STRADA: variants seen among roughly 807,000 people sequenced by gnomAD.
STRADA encodes STE20 related adaptor alpha, also known as STE20-related kinase adapter protein alpha.
In STRADA, 26 loss-of-function variants were observed where a neutral mutation model predicts 55.0. The observed-to-expected ratio is 0.47, with a 90% CI of 0.35 to 0.66. The LOEUF is 0.66. Ranked by LOEUF, STRADA falls within the 30% of genes least tolerant of loss-of-function variation. The pLI is 0.01. For missense variants in STRADA, 443 were observed against 549.7 expected (o/e 0.81, Z 1.94); for synonymous variants, 197 against 210.9 (o/e 0.93, Z 0.57).
In STRADA at chr17:63,731,512, C is replaced by T. The variant is rs543430946; in HGVS notation, c.-44-3099G>A. Among the ~76,000 whole-genome samples, 781 of 152,216 alleles carry T rather than the reference C, an allele frequency of 5.1e-3. 18 individuals carry two copies. The highest frequency in any genetic ancestry group is 0.018 in the African/African-American group (747 of 41,540). On this transcript the variant is annotated intron_variant, in intron 1 of 12. Coordinates refer to ENST00000336174, the MANE Select transcript of STRADA (RefSeq NM_001003787.4). ...ATCTCCTGACCTCGTGATCCGTCCG[C>T]CTTGGCCTCCCAAAGTGCTGGGATT... is the stretch of plus-strand genomic sequence containing the variant.
Position 63,729,782 on chromosome 17 carries a change from C to T in STRADA, c.-44-1369G>A, listed in dbSNP as rs1001357722. Reference sequence around the variant, plus strand: ...CCAGCCTGGGTGACAGAGCTAGACTCCATCTCAAAACAAACCAAAAAAAAC... The same window carrying T: ...CCAGCCTGGGTGACAGAGCTAGACTTCATCTCAAAACAAACCAAAAAAAAC... On this transcript the variant is annotated intron_variant, in intron 1 of 12. Transcript: ENST00000336174. Among the ~76,000 whole-genome samples, 9 of 150,150 alleles carry T rather than the reference C, an allele frequency of 6.0e-5. No individual in the cohort carries two copies. In the South Asian group the frequency reaches 6.4e-4, roughly 11 times the overall value.
chr17:63,735,430 T>C (rs1430154893), intron 1 of STRADA, among the ~76,000 whole-genome samples: 1 of 152,220 alleles, frequency 6.6e-6, no homozygotes, highest in African/African-American at 2.4e-5. Context: ...GTTAATGACA[T>C]CCGTCTGACA....
At chr17:63,728,889 CAA>C (rs72080041) in intron 1 of STRADA, among the ~76,000 whole-genome samples, 3 of 141,944 alleles carry the variant, frequency 2.1e-5, no homozygotes, top group Non-Finnish European at 3.1e-5. Flanking sequence ...GAGACTGTCT[CAA>C]AAAAAAAAAA....
At chr17:63,714,918 A>G (rs755529511) in intron 4 of STRADA, among the ~76,000 whole-genome samples, 10 of 152,150 alleles carry the variant, frequency 6.6e-5, no homozygotes, top group Non-Finnish European at 4.4e-5. Context: ...CCACACCTAA[A>G]TTTATGTGTA....
intron 1 of STRADA, among the ~76,000 whole-genome samples, chr17:63,739,595 C>T (rs539483257): frequency 1.5e-4 from 23 of 151,276 alleles, no homozygotes; most frequent in Admixed American, 3.3e-4. Context: ...GGATATCATT[C>T]GAAAGATATA....
intron 11 of STRADA, 85 bp downstream of exon 11, chr17:63,704,256 G>A (rs1028395249): frequency 1.3e-6 from 2 of 1,574,476 alleles, no homozygotes; most frequent in Non-Finnish European, 1.7e-6. Context: ...AGAACCTTTG[G>A]GAGGTAAGTC....
At chr17:63,715,086 C>T (rs1186998589) in intron 4 of STRADA, 1 of 152,190 alleles carries the variant, frequency 6.6e-6, no homozygotes, top group Non-Finnish European at 1.5e-5. Flanking sequence ...ATGAGAGGCT[C>T]CTGACCCAGC....
intron 3 of STRADA, among the ~76,000 whole-genome samples, chr17:63,724,325 T>TAG (rs1448825252): frequency 6.6e-6 from 1 of 152,032 alleles, no homozygotes; most frequent in Admixed American, 6.6e-5. Context: ...ATGTTTTTAG[T>TAG]AGAGATGGGG....
intron 1 of STRADA, among the ~76,000 whole-genome samples, chr17:63,730,027 C>T (rs1163718829): frequency 6.6e-6 from 1 of 151,436 alleles, no homozygotes; most frequent in African/African-American, 2.4e-5. Flanking sequence ...GTAGAGATGG[C>T]GTTTCACCAT....
At chr17:63,723,365 A>T in intron 3 of STRADA, 39 bp from the exon 4 acceptor site, 1 of 1,612,832 alleles carries the variant, frequency 6.2e-7, no homozygotes. Flanking sequence ...TTTGTGTTTT[A>T]GCAGAAGACA....
At chr17:63,722,152 C>A (rs1044378787) in intron 4 of STRADA, among the ~76,000 whole-genome samples, 9 of 152,200 alleles carry the variant, frequency 5.9e-5, no homozygotes, top group African/African-American at 2.2e-4. Flanking sequence ...TAGAAAGGAA[C>A]TAATTCTGTC....
intron 2 of STRADA, 141 bp from the exon 3 acceptor site, chr17:63,726,836 G>T: frequency 1.3e-6 from 1 of 743,576 alleles, no homozygotes. Context: ...CTATGGAAAA[G>T]TTTTTAACAG....
At chr17:63,705,173 G>T in intron 10 of STRADA, 2 of 562,914 alleles carry the variant, frequency 3.6e-6, no homozygotes, top group Non-Finnish European at 6.4e-6. Flanking sequence ...AGCTGTCCAA[G>T]CCAGAAACCT....
chr17:63,728,014 G>GT, intron 2 of STRADA: 1 of 227,730 alleles, frequency 4.4e-6, no homozygotes, highest in Non-Finnish European at 8.5e-6. Context: ...CCTCACGGGG[G>GT]GTCATAAGCA....
intron 4 of STRADA, among the ~76,000 whole-genome samples, chr17:63,722,426 G>A (rs975472889): frequency 6.6e-6 from 1 of 152,152 alleles, no homozygotes; most frequent in Non-Finnish European, 1.5e-5. Flanking sequence ...TATGTAATTG[G>A]CATCGTATTC....
chr17:63,734,886 G>A (rs149351243), intron 1 of STRADA, among the ~76,000 whole-genome samples: 94 of 152,240 alleles, frequency 6.2e-4, no homozygotes, highest in African/African-American at 2.1e-3. Flanking sequence ...GGCTGGGCAC[G>A]GTGGCTCACA....
chr17:63,713,394 A>T lies in STRADA; in HGVS notation c.348+12T>A, dbSNP rs755565709. The stretch of plus-strand genomic sequence containing the variant: ...CACCCTCCCTCCATGTGACACACTC[A>T]TGGTTTATTACCTGCAAGAATGTTA... On this transcript the variant is annotated intron_variant, in intron 6 of 12. Coordinates refer to ENST00000336174, the MANE Select transcript of STRADA (RefSeq NM_001003787.4). 1 of 1,612,878 alleles carries T rather than the reference A, an allele frequency of 6.2e-7. No homozygotes were observed. Among genetic ancestry groups the T allele is most frequent in the Non-Finnish European group, 8.5e-7 (1 of 1,179,536 alleles).
chr17:63,713,738 A>G (rs2036663398), intron 5 of STRADA, among the ~76,000 whole-genome samples: 1 of 151,636 alleles, frequency 6.6e-6, no homozygotes, highest in African/African-American at 2.4e-5. Context: ...GTTCCTTCTC[A>G]GCCAACCTTT....
Position 63,728,348 on chromosome 17 carries a change from G to A in STRADA, c.22C>T (p.Pro8Ser). MSFLVSK[P>S]ERIRRWVSEK... Reference sequence around the variant, plus strand: ...AAAACACTCACCCTGATTCGCTCTGGTTTACTTACAAGAAATGACATGAGT... The same window carrying A: ...AAAACACTCACCCTGATTCGCTCTGATTTACTTACAAGAAATGACATGAGT... Residue 8 changes from proline (P) to serine (S), a missense_variant, in exon 2 of 13, where the codon CCA (proline) becomes TCA (serine). Physicochemically the swap from Pro to Ser is moderately conservative, Grantham distance 74 (BLOSUM62 -1). Coordinates refer to ENST00000336174, the MANE Select transcript of STRADA (RefSeq NM_001003787.4). 6.2e-7 allele frequency: 1 copy of A among 1,613,186 alleles called. No homozygotes were observed. The highest frequency in any genetic ancestry group is 2.2e-5 in the East Asian group (1 of 44,834).
Sources: gnomAD v4.1 joint callset for allele counts (sites outside exome capture counted in the v4.1 genomes callset) on GRCh38, gnomAD v4.1.1 for gene constraint, MANE v1.5 for transcripts, NCBI Gene and HGNC (gene_info 2026-07-23, HGNC 2026-07-21) for gene names.